EPHX3: variants seen among roughly 807,000 people sequenced by gnomAD.
EPHX3 encodes the protein abhydrolase domain containing 9.
Under a neutral mutation model 40.2 loss-of-function variants are expected in EPHX3, and 39 were observed. The observed-to-expected ratio is 0.97, with a 90% CI of 0.75 to 1.27. The LOEUF is 1.27. Ranked by LOEUF, EPHX3 falls within the 50% of genes most tolerant of loss-of-function variation. EPHX3 has a pLI of 0.00. For synonymous variants in EPHX3, 213 were observed against 209.7 expected (o/e 1.02, Z -0.14); for missense variants, 442 against 474.0 (o/e 0.93, Z 0.63).
chr19:15,227,747 C>T lies in EPHX3; in HGVS notation c.857+24G>A, dbSNP rs760078933. The T allele has an allele frequency of 5.0e-6, 8 of 1,612,528 alleles. No individual in the cohort carries two copies. In the Admixed American group the frequency reaches 1.3e-4, roughly 27 times the overall value. On this transcript the variant is annotated intron_variant, in intron 6 of 6. Transcript: ENST00000221730. ...CCCCTGCCCCTGCAAATCTCCTGAG[C>T]TTATGCTTGGCAACTGGTCTCACCT...
In EPHX3 at chr19:15,232,111, A is replaced by G; in HGVS notation, c.101T>C (p.Val34Ala). ...TATGCAGCCGTAGACCGCCGCGGCC[A>G]CCAGCGCCACCGAGAACACCAGGCT... is the stretch of plus-strand genomic sequence containing the variant. ...MWSLVFSVAL[V>A]AAAVYGCIAL... Residue 34 changes from valine (V) to alanine (A), a missense_variant, in exon 1 of 7, where the codon GTG (valine) becomes GCG (alanine). By Grantham distance (64) the Val-to-Ala change is moderately conservative. Coordinates refer to ENST00000221730, the MANE Select transcript of EPHX3 (RefSeq NM_024794.3). The G allele has an allele frequency of 6.5e-7, 1 of 1,543,244 alleles. No individual in the cohort carries two copies. The highest frequency in any genetic ancestry group is 8.7e-7 in the Non-Finnish European group (1 of 1,152,234).
At chr19:15,229,625 T>G (rs112528289) in intron 4 of EPHX3, among the ~76,000 whole-genome samples, 1,717 of 145,138 alleles carry the variant, frequency 0.012, 22 homozygotes, top group Non-Finnish European at 0.016. Context: ...CCAGGCGTGG[T>G]GGCTCACGCC....
upstream of EPHX3, chr19:15,236,900 G>GA (rs1208789157): frequency 5.0e-6 from 1 of 201,012 alleles, no homozygotes; most frequent in African/African-American, 2.3e-5. Flanking sequence ...TTCACCGTAT[G>GA]AAAGTCAAAC....
chr19:15,235,092 CCA>C (rs1342687203), upstream of EPHX3, among the ~76,000 whole-genome samples: 4 of 149,582 alleles, frequency 2.7e-5, 1 homozygote, highest in Admixed American at 2.0e-4. Context: ...ACCTCCGCCT[CCA>C]GTGTTCAAGC....
chr19:15,227,415 C>G lies in EPHX3; in HGVS notation c.*22G>C, dbSNP rs745659145. The G allele has an allele frequency of 1.6e-5, 26 of 1,602,656 alleles. No individual in the cohort carries two copies. The highest frequency in any genetic ancestry group is 2.1e-5 in the Non-Finnish European group (24 of 1,169,882). On this transcript the variant is annotated 3_prime_UTR_variant, in exon 7 of 7. Coordinates refer to ENST00000221730, the MANE Select transcript of EPHX3 (RefSeq NM_024794.3). ...GTTCCTTCCTGAGTATCCATGCCTC[C>G]TGGGCAGGCCAGCAAGGACCACTAG...
chr19:15,235,157 G>A (rs150254141), upstream of EPHX3, among the ~76,000 whole-genome samples: 114 of 151,942 alleles, frequency 7.5e-4, no homozygotes, highest in Non-Finnish European at 1.3e-3. Context: ...GTGTGCTACC[G>A]CGCCCCGCTA....
In EPHX3 at chr19:15,231,678, T is replaced by G. The variant is rs2047155234; in HGVS notation, c.329+98A>C. The G allele has an allele frequency of 3.1e-6, 4 of 1,295,208 alleles. No homozygotes were observed. The East Asian group carries it at 6.9e-5, about 22-fold the overall frequency. 80.2% of individuals were successfully genotyped at this position (1,295,208 alleles called of 1,614,324 possible). A position where few individuals can be genotyped will look rare whatever the true frequency, so the allele number is the denominator to read the frequency against. On this transcript the variant is annotated intron_variant, in intron 2 of 6. Coordinates refer to ENST00000221730, the MANE Select transcript of EPHX3 (RefSeq NM_024794.3). ...CCCCTATCCCCATCTATGTTCAGCT[T>G]GTCCCGATCTATACAGCCCTCCTCC...
upstream of EPHX3, chr19:15,232,525 G>T: frequency 1.0e-6 from 1 of 972,420 alleles, no homozygotes. Context: ...CCTGTGCGGG[G>T]CTTAGGGCCG....
upstream of EPHX3, chr19:15,232,559 C>A: frequency 1.7e-6 from 1 of 586,756 alleles, no homozygotes. Context: ...GAAGACTCAG[C>A]AGCGGGTGGG....
intron 4 of EPHX3, among the ~76,000 whole-genome samples, chr19:15,229,009 C>CA (rs964976156): frequency 2.6e-4 from 39 of 151,612 alleles, no homozygotes; most frequent in Non-Finnish European, 1.0e-4. Context: ...AAACAAAACA[C>CA]AAAAAAAGAC....
chr19:15,230,653 ATTTTTT>A (rs35540856), intron 4 of EPHX3, among the ~76,000 whole-genome samples: 1 of 135,134 alleles, frequency 7.4e-6, no homozygotes, highest in Non-Finnish European at 1.6e-5. Flanking sequence ...GGCTAATTAC[ATTTTTT>A]TTTTTTTTTT....
At chr19:15,235,731 A>G (rs2047187802), upstream of EPHX3, 1 of 152,212 alleles carries the variant, frequency 6.6e-6, no homozygotes. Flanking sequence ...TTACTCTGGT[A>G]TAGGACTAAG....
At chr19:15,232,683 C>T (rs1397133962), upstream of EPHX3, among the ~76,000 whole-genome samples, 1 of 152,066 alleles carries the variant, frequency 6.6e-6, no homozygotes, top group East Asian at 1.9e-4. Context: ...TCGAGACCAG[C>T]CTGGGCAACG....
At chr19:15,234,045 G>A (rs2047173850), upstream of EPHX3, among the ~76,000 whole-genome samples, 1 of 149,552 alleles carries the variant, frequency 6.7e-6, no homozygotes, top group Admixed American at 6.6e-5. Flanking sequence ...GGGCGACAGA[G>A]CGAGACTCCG....
Position 15,227,587 on chromosome 19 carries a change from C to G in EPHX3, c.933G>C (p.Glu311Asp). Residue 311 changes from glutamate (E) to aspartate (D), a missense_variant, in exon 7 of 7, where the codon GAG (glutamate) becomes GAC (aspartate). Transcript: ENST00000221730. Reference protein sequence around the residue: ...LLWGEKDTYLELGLVEAIGSR... With the variant: ...LLWGEKDTYLDLGLVEAIGSR... ...TGCCGATGGCTTCCACCAGCCCCAG[C>G]TCCAAGTAAGTGTCCTTCTCCCCCC... is the stretch of plus-strand genomic sequence containing the variant. 7.4e-6 allele frequency: 12 copies of G among 1,614,116 alleles called. No individual in the cohort carries two copies. The highest frequency in any genetic ancestry group is 1.0e-5 in the Non-Finnish European group (12 of 1,180,032).
upstream of EPHX3, chr19:15,233,368 C>G (rs1204507086): frequency 2.6e-5 from 4 of 152,298 alleles, no homozygotes; most frequent in African/African-American, 9.6e-5. Flanking sequence ...GCGCGCGACC[C>G]TCCCTTCGGT....
At chr19:15,231,629 G>A (rs1341396017) in intron 2 of EPHX3, 147 bp downstream of exon 2, 1 of 982,392 alleles carries the variant, frequency 1.0e-6, no homozygotes, top group African/African-American at 1.6e-5. Flanking sequence ...AGGGCCTAGG[G>A]ATCCTGGGTA....
Position 15,232,033 on chromosome 19 carries a change from C to CG in EPHX3, c.178dup (p.Arg60ProfsTer15), listed in dbSNP as rs760073720. ...GCTCAGGCAGGCGGGGGACGCGCTC[C>CG]GACGGCGCCCGCAGCAGCCGCGCCG... On this transcript the variant is annotated frameshift_variant, in exon 1 of 7. Transcript: ENST00000221730. LOFTEE classifies it high-confidence loss of function. 3.1e-5 allele frequency: 50 copies of CG among 1,587,866 alleles called. No individual in the cohort carries two copies. The highest frequency in any genetic ancestry group is 4.2e-5 in the Non-Finnish European group (49 of 1,173,264).
At chr19:15,233,082 G>A (rs1181273211), upstream of EPHX3, 1 of 150,980 alleles carries the variant, frequency 6.6e-6, no homozygotes, top group Admixed American at 6.6e-5. Flanking sequence ...TCCTAGAGGA[G>A]GTGAGGCCTA....
Sources: gnomAD v4.1 joint callset for allele counts (sites outside exome capture counted in the v4.1 genomes callset) on GRCh38, gnomAD v4.1.1 for gene constraint, MANE v1.5 for transcripts, NCBI Gene and HGNC (gene_info 2026-07-23, HGNC 2026-07-21) for gene names.